Variants in DNM1L observed in about 807,000 individuals in gnomAD.
DNM1L encodes the protein dynamin 1L.
In DNM1L, 33 loss-of-function variants were observed where a neutral mutation model predicts 92.8. The ratio of observed to expected loss-of-function variants is 0.36; its 90% CI spans 0.27 to 0.48. The LOEUF (loss-of-function observed/expected upper bound fraction) is 0.48. Ranked by LOEUF, DNM1L falls within the 20% of genes least tolerant of loss-of-function variation. The pLI is 0.99. For synonymous variants in DNM1L, 284 were observed against 305.0 expected, an observed-to-expected ratio of 0.93 and a Z score of 0.72; for missense variants, 485 against 888.8, an observed-to-expected ratio of 0.55 and a Z score of 5.78.
rs1372687947 is a variant in DNM1L, at chr12:32,717,942, A to G, written c.620-701A>G. Among the ~76,000 whole-genome samples, 2 of 90,132 alleles carry G rather than the reference A, an allele frequency of 2.2e-5. 1 individual carries two copies. The highest frequency in any genetic ancestry group is 4.1e-5 in the Non-Finnish European group (2 of 48,392). The allele number at this position is 90,132 out of a possible 152,430, so 59.1% of individuals were successfully genotyped here. ...TATAGTATATATTTTATATATATAT[A>G]AAATATAGTATATATAGTATATATA... On this transcript the variant is annotated intron_variant, in intron 6 of 19. Transcript: ENST00000549701.
At chr12:32,725,910 GT>G (rs59243079) in intron 9 of DNM1L, among the ~76,000 whole-genome samples, 23,795 of 141,466 alleles carry the variant, frequency 0.17, 2,002 homozygotes, top group African/African-American at 0.24. Flanking sequence ...TGGCATGCCG[GT>G]TTTTTTTTTT....
chr12:32,681,059 G>A (rs1951782166), intron 1 of DNM1L, among the ~76,000 whole-genome samples: 1 of 151,954 alleles, frequency 6.6e-6, no homozygotes, highest in South Asian at 2.1e-4. Flanking sequence ...AGTTTATTTT[G>A]GTCAGTAAAC....
At chr12:32,742,286 T>C (rs1955360136) in intron 18 of DNM1L, among the ~76,000 whole-genome samples, 1 of 152,144 alleles carries the variant, frequency 6.6e-6, no homozygotes, top group Non-Finnish European at 1.5e-5. Flanking sequence ...TTATTTTTAG[T>C]GCAGACGGTG....
chr12:32,717,342 TATATATTATATATAGTATATATA>T (rs1953467191), intron 6 of DNM1L, among the ~76,000 whole-genome samples: 1 of 66,076 alleles, frequency 1.5e-5, no homozygotes, highest in Non-Finnish European at 2.7e-5. Flanking sequence ...TTATATATAC[TATATATTATATATAGTATATATA>T]ATATATATAC....
At chr12:32,706,008 TA>T (rs1952911057) in intron 2 of DNM1L, 1 of 685,136 alleles carries the variant, frequency 1.5e-6, no homozygotes, top group Admixed American at 3.3e-5. Flanking sequence ...TGGTTCTTGT[TA>T]TTTTTTTTGG....
At position 32,713,267 on chromosome 12, in the gene DNM1L, G is replaced by A. The variant is rs764915133; in HGVS notation, c.515G>A (p.Arg172Gln). The change falls in exon 6 of 20, where the codon CGG (arginine) becomes CAG (glutamine). Residue 172 changes from arginine to glutamine, a missense_variant. By Grantham distance (43) the Arg-to-Gln change is conservative. Around this residue, in one of 11 missense-constraint regions of DNM1L, gnomAD observed 159 missense variants for 275.9 expected, o/e 0.58. Coordinates refer to ENST00000549701, the MANE Select transcript of DNM1L (RefSeq NM_012062.5). ...IELQIRELIL[R>Q]FISNPNSIIL... Reference sequence around the variant, plus strand: ...CTTCAAATCAGAGAGCTCATTCTTCGGTTCATCAGTAATCCTAATTCCATT... The same window carrying A: ...CTTCAAATCAGAGAGCTCATTCTTCAGTTCATCAGTAATCCTAATTCCATT... 36 of 1,613,692 alleles carry A rather than the reference G, an allele frequency of 2.2e-5. No homozygotes were observed. Among genetic ancestry groups the A allele is most frequent in the African/African-American group, 4.0e-5 (3 of 74,850 alleles).
intron 9 of DNM1L, chr12:32,727,423 G>A (rs1954222779): frequency 1.4e-6 from 1 of 733,604 alleles, no homozygotes; most frequent in Non-Finnish European, 2.5e-6. Flanking sequence ...CCAGGCGGCT[G>A]GAGCTGTGCA....
rs544795994 is a variant in DNM1L at position 32,720,056 on chromosome 12, A to G, written c.741-608A>G. Among the ~76,000 whole-genome samples the G allele has an allele frequency of 5.0e-4, 76 of 152,264 alleles. No homozygotes were observed. In the South Asian group the frequency reaches 7.9e-3, roughly 16 times the overall value. On this transcript the variant is annotated intron_variant, in intron 7 of 19. Transcript: ENST00000549701. ...GGTCTCAAGCCTTTAGAAAATGAAA[A>G]TGTTTTTACTGCCTGATACATAAGA... is the stretch of plus-strand genomic sequence containing the variant.
intron 13 of DNM1L, among the ~76,000 whole-genome samples, chr12:32,735,612 GGC>G (rs1438753294): frequency 3.3e-5 from 5 of 152,092 alleles, no homozygotes; most frequent in Admixed American, 1.3e-4. Context: ...TGTGTGCGGT[GGC>G]TCATGCCTGT....
chr12:32,716,403 C>T (rs975143243), intron 6 of DNM1L, among the ~76,000 whole-genome samples: 31 of 152,108 alleles, frequency 2.0e-4, no homozygotes, highest in African/African-American at 6.5e-4. Flanking sequence ...GGTGCAATCA[C>T]GGCTCACTGC....
At chr12:32,697,207 T>G (rs1273648075) in intron 1 of DNM1L, among the ~76,000 whole-genome samples, 1 of 151,880 alleles carries the variant, frequency 6.6e-6, no homozygotes, top group African/African-American at 2.4e-5. Context: ...CCAGCCTAGG[T>G]GATAGAGCGA....
chr12:32,737,738 T>G (rs1040958813), intron 14 of DNM1L, 127 bp from the exon 15 acceptor site: 1 of 760,666 alleles, frequency 1.3e-6, no homozygotes, highest in Non-Finnish European at 2.3e-6. Context: ...CAATCTCCCA[T>G]GATTATTTTC....
intron 5 of DNM1L, among the ~76,000 whole-genome samples, chr12:32,712,649 CAAAAAAAA>C (rs59906286): frequency 1.6e-3 from 49 of 29,774 alleles, no homozygotes; most frequent in African/African-American, 5.0e-3. Flanking sequence ...GACCCTGTCT[CAAAAAAAA>C]AAAAAAAAAA....
intron 7 of DNM1L, 36 bp downstream of exon 7, chr12:32,718,799 C>T (rs1953667131): frequency 1.2e-6 from 2 of 1,611,108 alleles, no homozygotes; most frequent in East Asian, 4.5e-5. Flanking sequence ...TTGGGATAAG[C>T]ATTCTTAGAA....
intron 1 of DNM1L, among the ~76,000 whole-genome samples, chr12:32,694,741 G>A (rs149222882): frequency 1.8e-3 from 276 of 152,188 alleles, no homozygotes; most frequent in African/African-American, 5.9e-3. Context: ...CTCTACAAAC[G>A]CTCAAATACC....
chr12:32,679,774 C>G (rs1412039153), intron 1 of DNM1L: 1 of 1,063,794 alleles, frequency 9.4e-7, no homozygotes, highest in African/African-American at 1.7e-5. Context: ...GAACTGGAGT[C>G]CGCTGGGACC....
chr12:32,722,586 T>G lies in DNM1L; in HGVS notation c.1032T>G (p.Tyr344Ter). 6.2e-7 allele frequency: 1 copy of G among 1,613,244 alleles called. No individual in the cohort carries two copies. Among genetic ancestry groups the G allele is most frequent in the South Asian group, 1.1e-5 (1 of 91,050 alleles). ...LQLITKFATE[Y>*]CNTIEGTAKY... is the part of the protein sequence containing the mutation. ...TTATTACCAAATTTGCCACAGAATA[T>G]TGTAACACTATTGAAGGAACTGCAA... is the stretch of plus-strand genomic sequence containing the variant. Residue 344 changes from tyrosine to a stop codon, truncating the protein, a stop_gained, in exon 9 of 20, where the codon TAT (tyrosine) becomes TAG (stop). Transcript: ENST00000549701. LOFTEE classifies it high-confidence loss of function.
chr12:32,732,694 T>A (rs998190054), intron 12 of DNM1L: 15 of 420,612 alleles, frequency 3.6e-5, no homozygotes, highest in Non-Finnish European at 7.1e-5. Context: ...CCAGAATCAT[T>A]GGACCTTCAT....
intron 9 of DNM1L, among the ~76,000 whole-genome samples, chr12:32,723,029 T>C (rs1953878583): frequency 6.6e-6 from 1 of 151,962 alleles, no homozygotes. Context: ...AAAACAAAAT[T>C]ACATGTTGGT....
Sources: gnomAD v4.1 joint callset for allele counts (sites outside exome capture counted in the v4.1 genomes callset) on GRCh38, gnomAD v4.1.1 for gene constraint, gnomAD v4.1.1 regional missense constraint, MANE v1.5 for transcripts, NCBI Gene and HGNC (gene_info 2026-07-23, HGNC 2026-07-21) for gene names.